Variants in STK39 observed in about 807,000 individuals in gnomAD.
STK39 encodes the protein serine/threonine kinase 39, also known as STE20/SPS1-related proline-alanine-rich protein kinase.
Under a neutral mutation model 77.8 loss-of-function variants are expected in STK39, and 20 were observed. The ratio of observed to expected loss-of-function variants is 0.26; its 90% CI spans 0.18 to 0.37. The LOEUF is 0.37. STK39 is among the 10% of genes least tolerant of loss of function. The pLI is 1.00. For missense variants in STK39, 479 were observed against 656.5 expected (o/e 0.73, Z 2.95); for synonymous variants, 246 against 234.1 (o/e 1.05, Z -0.47).
At chr2:168,164,747 CACTT>C (rs1434919882) in intron 3 of STK39, among the ~76,000 whole-genome samples, 1 of 152,134 alleles carries the variant, frequency 6.6e-6, no homozygotes, top group African/African-American at 2.4e-5. Context: ...GAGGCACTAA[CACTT>C]ACAATAAACA....
At chr2:168,016,176 C>T (rs904553121) in intron 15 of STK39, among the ~76,000 whole-genome samples, 24 of 152,098 alleles carry the variant, frequency 1.6e-4, no homozygotes, top group African/African-American at 5.8e-4. Flanking sequence ...GATCCACCCA[C>T]CTCAGCCTCT....
chr2:168,207,046 C>G (rs1365705120), intron 1 of STK39, among the ~76,000 whole-genome samples: 5 of 152,164 alleles, frequency 3.3e-5, no homozygotes, highest in Admixed American at 3.3e-4. Context: ...TCAGGCATAG[C>G]TTTACACATG....
At chr2:167,971,972 T>G (rs771954280) in intron 16 of STK39, among the ~76,000 whole-genome samples, 1 of 152,236 alleles carries the variant, frequency 6.6e-6, no homozygotes. Context: ...CAAAAAATGT[T>G]AATTGGGTTA....
At position 168,065,367 on chromosome 2, in the gene STK39, G is replaced by A; in HGVS notation, c.1257C>T (p.Ala419=). ...ACTGTATTTGTTCGGGGATGGTGCT[G>A]GCACTCACTGCAATCTGTTACGAGA... ...KEENPEIAVS[A]STIPEQIQSL... The change falls in exon 13 of 18, where the codon GCC becomes GCT. Residue 419 remains alanine (A), a synonymous_variant. Transcript: ENST00000355999. 7 of 1,614,050 alleles carry A rather than the reference G, an allele frequency of 4.3e-6. No homozygotes were observed. The highest frequency in any genetic ancestry group is 5.1e-6 in the Non-Finnish European group (6 of 1,179,956).
At chr2:168,019,830 A>G (rs895326152) in intron 14 of STK39, among the ~76,000 whole-genome samples, 1 of 152,072 alleles carries the variant, frequency 6.6e-6, no homozygotes, top group Non-Finnish European at 1.5e-5. Context: ...CAGCCTCCCG[A>G]GCAGCTGAGA....
chr2:168,139,408 T>TTATATATATATATATATATATATA lies in STK39; in HGVS notation c.840+880_840+881insTATATATATATATATATATATATA, dbSNP rs71003023. Among the ~76,000 whole-genome samples, 595 of 144,366 alleles carry TTATATATATATATATATATATATA rather than the reference T, an allele frequency of 4.1e-3. 6 individuals carry two copies. The highest frequency in any genetic ancestry group is 0.014 in the African/African-American group (542 of 37,730). 94.7% of individuals were successfully genotyped at this position (144,366 alleles called of 152,430 possible). A position where few individuals can be genotyped will look rare whatever the true frequency, so the allele number is the denominator to read the frequency against. On this transcript the variant is annotated intron_variant, in intron 7 of 17. Transcript: ENST00000355999. ...AAATCCTAACTATGTTAAAAAAAAT[T>TTATATATATATATATATATATATA]TATATATATATATATAAAAACAATA...
At chr2:168,012,837 G>T in intron 15 of STK39, 135 bp from the exon 16 acceptor site, 1 of 557,172 alleles carries the variant, frequency 1.8e-6, no homozygotes, top group Non-Finnish European at 2.9e-6. Context: ...ACTCTATCAG[G>T]AGAAAATCAG....
intron 1 of STK39, among the ~76,000 whole-genome samples, chr2:168,232,871 C>T (rs1028255022): frequency 1.3e-5 from 2 of 151,596 alleles, no homozygotes; most frequent in Middle Eastern, 3.2e-3. Flanking sequence ...GAGATCGCGC[C>T]ATTGCACTCC....
At chr2:168,073,370 G>A (rs772753169) in intron 12 of STK39, among the ~76,000 whole-genome samples, 2 of 152,178 alleles carry the variant, frequency 1.3e-5, no homozygotes, top group African/African-American at 4.8e-5. Flanking sequence ...GTGAGTCAAT[G>A]ATGCTACTTT....
intron 2 of STK39, among the ~76,000 whole-genome samples, chr2:168,180,973 T>C (rs973289795): frequency 1.3e-5 from 2 of 152,220 alleles, no homozygotes; most frequent in South Asian, 2.1e-4. Context: ...ATTTATACTA[T>C]AGTGTACTGT....
intron 16 of STK39, among the ~76,000 whole-genome samples, chr2:167,981,067 G>C (rs767150539): frequency 2.0e-5 from 3 of 151,690 alleles, no homozygotes; most frequent in Non-Finnish European, 2.9e-5. Flanking sequence ...AAAAATGAAA[G>C]ACTTGAAATC....
At chr2:168,021,045 T>C (rs990530895) in intron 14 of STK39, among the ~76,000 whole-genome samples, 4 of 152,204 alleles carry the variant, frequency 2.6e-5, no homozygotes, top group African/African-American at 9.7e-5. Context: ...GTATTTATAA[T>C]GTGTTTAATA....
chr2:168,180,117 C>T (rs567954038), intron 2 of STK39, among the ~76,000 whole-genome samples: 19 of 152,274 alleles, frequency 1.2e-4, no homozygotes, highest in African/African-American at 4.3e-4. Flanking sequence ...GAGGCCGAGG[C>T]GGACAGATCA....
intron 5 of STK39, among the ~76,000 whole-genome samples, chr2:168,154,389 CT>C (rs958269851): frequency 1.3e-5 from 2 of 152,144 alleles, no homozygotes; most frequent in African/African-American, 4.8e-5. Flanking sequence ...TTAATGACCA[CT>C]GGGGGCCTAG....
chr2:168,152,541 T>A (rs4668030), intron 5 of STK39, among the ~76,000 whole-genome samples: 1 of 151,894 alleles, frequency 6.6e-6, no homozygotes. Context: ...ATTGGTGGGG[T>A]AGGGGTGAAA....
intron 10 of STK39, among the ~76,000 whole-genome samples, chr2:168,112,735 C>A (rs1270245169): frequency 6.6e-6 from 1 of 152,014 alleles, no homozygotes. Flanking sequence ...CGGTTTGGAC[C>A]ATTGTTTTAC....
At chr2:167,996,595 T>C (rs1363398775) in intron 16 of STK39, among the ~76,000 whole-genome samples, 1 of 152,174 alleles carries the variant, frequency 6.6e-6, no homozygotes. Flanking sequence ...GTGGGTCAAG[T>C]TCATGGTGGT....
At chr2:168,149,233 G>C (rs1213547303) in intron 5 of STK39, among the ~76,000 whole-genome samples, 1 of 152,170 alleles carries the variant, frequency 6.6e-6, no homozygotes, top group Non-Finnish European at 1.5e-5. Flanking sequence ...TTTTTCTCCT[G>C]AATAAAATAA....
chr2:168,122,463 A>G (rs935659285), intron 10 of STK39, among the ~76,000 whole-genome samples: 7 of 152,096 alleles, frequency 4.6e-5, no homozygotes, highest in African/African-American at 1.2e-4. Context: ...TGTTTGAGAT[A>G]GGGTCTTGCT....
Sources: allele counts gnomAD v4.1 joint callset (sites outside exome capture counted in the v4.1 genomes callset), GRCh38; gene constraint gnomAD v4.1.1; transcripts MANE v1.5; gene names NCBI Gene and HGNC (gene_info 2026-07-23, HGNC 2026-07-21).